The following PALM2AKAP2 variants were observed in gnomAD, a reference collection of about 807,000 sequenced individuals.
The protein encoded by PALM2AKAP2 is PALM2 and AKAP2 fusion.
PALM2AKAP2 carries 37 observed loss-of-function variants against 71.5 expected under a neutral mutation model. The ratio of observed to expected loss-of-function variants is 0.52; its 90% CI spans 0.40 to 0.68. PALM2AKAP2 has a LOEUF of 0.68. PALM2AKAP2 is among the 30% of genes least tolerant of loss of function. The pLI is 0.00. For missense variants in PALM2AKAP2, 1,224 were observed against 1,191.8 expected (o/e 1.03, Z -0.40); for synonymous variants, 468 against 478.8 (o/e 0.98, Z 0.29).
intron 2 of PALM2AKAP2, among the ~76,000 whole-genome samples, chr9:109,869,835 A>C (rs16914569): frequency 0.11 from 16,033 of 152,162 alleles, 1,483 homozygotes; most frequent in African/African-American, 0.24. Flanking sequence ...GGAACACCCA[A>C]CACTCGCACC....
At chr9:109,807,400 A>C (rs905071061) in intron 1 of PALM2AKAP2, among the ~76,000 whole-genome samples, 1 of 152,184 alleles carries the variant, frequency 6.6e-6, no homozygotes, top group Non-Finnish European at 1.5e-5. Flanking sequence ...GCTTATATAC[A>C]ACAGAAACTT....
intron 1 of PALM2AKAP2, among the ~76,000 whole-genome samples, chr9:109,792,169 G>C (rs933563687): frequency 6.6e-6 from 1 of 152,068 alleles, no homozygotes; most frequent in African/African-American, 2.4e-5. Context: ...TCAGAGTCAG[G>C]GCTGCTACTT....
intron 6 of PALM2AKAP2, among the ~76,000 whole-genome samples, chr9:110,009,050 C>T (rs1225757429): frequency 6.6e-6 from 1 of 152,150 alleles, no homozygotes; most frequent in Non-Finnish European, 1.5e-5. Context: ...CCACCAGTCA[C>T]CCTCTTTGTC....
At chr9:110,161,117 C>T (rs77828009) in intron 3 of PALM2AKAP2, among the ~76,000 whole-genome samples, 2,556 of 152,268 alleles carry the variant, frequency 0.017, 33 homozygotes, top group Non-Finnish European at 0.024. Context: ...CGTTCTCACT[C>T]GTACCCTAGT....
At chr9:109,904,175 T>C (rs917510015) in intron 3 of PALM2AKAP2, among the ~76,000 whole-genome samples, 7 of 152,220 alleles carry the variant, frequency 4.6e-5, no homozygotes, top group African/African-American at 1.4e-4. Context: ...AAACATTAGC[T>C]CATTTAAGCT....
intron 6 of PALM2AKAP2, among the ~76,000 whole-genome samples, chr9:109,934,021 A>AT (rs1831168285): frequency 6.6e-6 from 1 of 152,350 alleles, no homozygotes; most frequent in Non-Finnish European, 1.5e-5. Flanking sequence ...ATTTTGACAA[A>AT]TGTCACTTGT....
intron 6 of PALM2AKAP2, among the ~76,000 whole-genome samples, chr9:109,984,224 C>A (rs188867018): frequency 6.0e-4 from 91 of 152,286 alleles, no homozygotes; most frequent in Non-Finnish European, 1.2e-3. Flanking sequence ...CTCTTAAATA[C>A]ATCTCTAAAT....
intron 1 of PALM2AKAP2, among the ~76,000 whole-genome samples, chr9:109,768,732 C>T (rs911842129): frequency 6.6e-6 from 1 of 152,150 alleles, no homozygotes; most frequent in Non-Finnish European, 1.5e-5. Flanking sequence ...TAGTGCTACT[C>T]TCATAGGCTG....
intron 1 of PALM2AKAP2, chr9:109,862,819 A>G (rs184970254): frequency 3.6e-5 from 17 of 469,538 alleles, no homozygotes; most frequent in African/African-American, 3.2e-4. Context: ...TTTTTTGTCA[A>G]ATGAAGCAGC....
chr9:110,114,656 AAACGTAG>A (rs1270799613), intron 1 of PALM2AKAP2, among the ~76,000 whole-genome samples: 2 of 152,206 alleles, frequency 1.3e-5, no homozygotes, highest in Non-Finnish European at 2.9e-5. Context: ...ACATATAAAC[AAACGTAG>A]AACAAAGAGT....
upstream of PALM2AKAP2, among the ~76,000 whole-genome samples, chr9:109,775,914 C>T (rs1255406511): frequency 1.3e-5 from 2 of 152,176 alleles, no homozygotes; most frequent in African/African-American, 2.4e-5. Context: ...GTATCCTTTT[C>T]GTATAATGCT....
chr9:109,745,530 AT>A (rs1828786767), intron 1 of PALM2AKAP2, among the ~76,000 whole-genome samples: 1 of 151,300 alleles, frequency 6.6e-6, no homozygotes, highest in African/African-American at 2.4e-5. Context: ...ATAGGCATGA[AT>A]TTACCAGCCA....
intron 1 of PALM2AKAP2, among the ~76,000 whole-genome samples, chr9:109,772,739 C>T (rs1158190142): frequency 6.6e-6 from 1 of 152,176 alleles, no homozygotes; most frequent in East Asian, 1.9e-4. Context: ...CTTAGAAACC[C>T]TTCCAAAAAC....
chr9:110,121,196 T>C (rs1835479087), intron 1 of PALM2AKAP2, among the ~76,000 whole-genome samples: 1 of 152,202 alleles, frequency 6.6e-6, no homozygotes, highest in Non-Finnish European at 1.5e-5. Flanking sequence ...TTTACTCCAA[T>C]CAGGGATTCC....
Position 109,689,640 on chromosome 9 carries a change from A to G in PALM2AKAP2, c.5+48774A>G, listed in dbSNP as rs372019723. On this transcript the variant is annotated intron_variant, in intron 1 of 6. Transcript: ENST00000374531. ...ATTGAGAAATAGGACAAAAGAATCA[A>G]TAGATGGAAAATGAAAGTATCATCT... 4.6e-5 allele frequency among the ~76,000 whole-genome samples: 7 copies of G among 152,368 alleles called. No homozygotes were observed. The South Asian group carries it at 1.4e-3, about 32-fold the overall frequency.
intron 1 of PALM2AKAP2, among the ~76,000 whole-genome samples, chr9:109,809,353 T>C (rs887303260): frequency 2.6e-5 from 4 of 152,222 alleles, no homozygotes; most frequent in African/African-American, 9.6e-5. Flanking sequence ...GTGACCTGGA[T>C]GTGAGACATG....
chr9:109,977,093 G>C (rs922467546), intron 6 of PALM2AKAP2, among the ~76,000 whole-genome samples: 2 of 151,982 alleles, frequency 1.3e-5, no homozygotes, highest in Non-Finnish European at 2.9e-5. Flanking sequence ...CATTTAGGAG[G>C]TCTGAGGTGA....
rs1243506946 is a variant in PALM2AKAP2, at chr9:110,162,143, A to G, written c.2748+5646A>G. 22 of 1,613,694 alleles carry G rather than the reference A, an allele frequency of 1.4e-5. No individual in the cohort carries two copies. The highest frequency in any genetic ancestry group is 1.6e-4 in the Middle Eastern group (1 of 6,080). On this transcript the variant is annotated intron_variant, in intron 3 of 3. Transcript: ENST00000374525. ...AAGGTGACTTCCGAGGTACTTTTCA[A>G]TTTGTTTGTCTTGGTCTTACTGAAT... is the stretch of plus-strand genomic sequence containing the variant.
At chr9:109,808,335 T>C (rs1194303645) in intron 1 of PALM2AKAP2, among the ~76,000 whole-genome samples, 3 of 152,192 alleles carry the variant, frequency 2.0e-5, no homozygotes, top group Admixed American at 2.0e-4. Context: ...CAGAGGGAGA[T>C]GAGGAGCAAA....
Sources: gnomAD v4.1 joint callset for allele counts (sites outside exome capture counted in the v4.1 genomes callset) on GRCh38, gnomAD v4.1.1 for gene constraint, MANE v1.5 for transcripts, NCBI Gene and HGNC (gene_info 2026-07-23, HGNC 2026-07-21) for gene names.